Variants in MED13L observed in about 807,000 individuals in gnomAD.
MED13L encodes mediator complex subunit 13L.
A neutral mutation model predicts 220.9 loss-of-function variants in MED13L; 7 were observed. That is an observed-to-expected ratio of 0.03 (90% CI 0.02 to 0.06). MED13L has a LOEUF of 0.06. Ranked by LOEUF, MED13L falls within the 10% of genes least tolerant of loss-of-function variation. The probability of loss-of-function intolerance (pLI) is 1.00; values close to 1 mark genes in which losing one functional copy is unlikely to be tolerated. For missense variants in MED13L, 1,965 were observed against 2,760.5 expected (o/e 0.71, Z 6.46); for synonymous variants, 1,011 against 1,015.2 (o/e 1.00, Z 0.08).
At chr12:116,022,044 A>T (rs1202049905) in intron 5 of MED13L, among the ~76,000 whole-genome samples, 2 of 152,202 alleles carry the variant, frequency 1.3e-5, no homozygotes, top group Non-Finnish European at 2.9e-5. Context: ...GAAATTTCAA[A>T]TACTAAGTAT....
At chr12:116,209,422 A>G (rs964253161) in intron 2 of MED13L, among the ~76,000 whole-genome samples, 2 of 152,156 alleles carry the variant, frequency 1.3e-5, no homozygotes, top group Non-Finnish European at 2.9e-5. Flanking sequence ...CATGTGCTAG[A>G]ACATATATCC....
chr12:116,264,341 A>G (rs560513398), intron 1 of MED13L, among the ~76,000 whole-genome samples: 1 of 152,204 alleles, frequency 6.6e-6, no homozygotes, highest in Non-Finnish European at 1.5e-5. Context: ...CTCAGTTCTG[A>G]TATGTCTAGT....
chr12:116,113,835 A>G (rs1196498885), intron 2 of MED13L, among the ~76,000 whole-genome samples: 9 of 33,966 alleles, frequency 2.6e-4, no homozygotes, highest in African/African-American at 5.6e-4. Flanking sequence ...GAGGGGAGGG[A>G]GGGGGGAAGA....
In MED13L at chr12:116,203,641, G is replaced by A. The variant is rs569260684; in HGVS notation, c.310+33827C>T. Among the ~76,000 whole-genome samples the A allele has an allele frequency of 4.6e-5, 7 of 152,080 alleles. No individual in the cohort carries two copies. In the East Asian group the frequency reaches 7.8e-4, roughly 17 times the overall value. On this transcript the variant is annotated intron_variant, in intron 2 of 30. Coordinates refer to ENST00000281928, the MANE Select transcript of MED13L (RefSeq NM_015335.5). ...TCGAGACCAGCCTGGCCAACATGGC[G>A]AAACCCCATCTCTACTAAATATACA...
At chr12:116,052,364 A>C (rs1868584039) in intron 4 of MED13L, among the ~76,000 whole-genome samples, 1 of 152,180 alleles carries the variant, frequency 6.6e-6, no homozygotes, top group African/African-American at 2.4e-5. Flanking sequence ...TATTACAAGA[A>C]GTGGGTCTCT....
intron 4 of MED13L, among the ~76,000 whole-genome samples, chr12:116,030,828 T>C (rs768451837): frequency 6.6e-5 from 10 of 152,022 alleles, no homozygotes; most frequent in African/African-American, 1.7e-4. Context: ...TCTATAAAAA[T>C]AAAAGAATTT....
intron 2 of MED13L, among the ~76,000 whole-genome samples, chr12:116,135,826 G>A (rs1469540159): frequency 3.3e-5 from 5 of 151,972 alleles, no homozygotes; most frequent in African/African-American, 1.2e-4. Flanking sequence ...GATCCTTGAT[G>A]AGTTATCCAG....
chr12:116,262,917 T>C (rs1231873801), intron 1 of MED13L, among the ~76,000 whole-genome samples: 1 of 152,188 alleles, frequency 6.6e-6, no homozygotes, highest in East Asian at 1.9e-4. Context: ...CTAAAGAATG[T>C]AGTCTATTTG....
At chr12:116,012,378 G>T (rs1001030723) in intron 9 of MED13L, among the ~76,000 whole-genome samples, 3 of 152,114 alleles carry the variant, frequency 2.0e-5, no homozygotes. Context: ...TACCTGTCTC[G>T]ATCAAAAAAC....
chr12:116,153,320 T>C (rs1878196202), intron 2 of MED13L, among the ~76,000 whole-genome samples: 1 of 152,016 alleles, frequency 6.6e-6, no homozygotes, highest in African/African-American at 2.4e-5. Context: ...GAGCTTATGG[T>C]GGCAGCTAAA....
At chr12:116,072,538 G>A (rs895632526) in intron 4 of MED13L, among the ~76,000 whole-genome samples, 8 of 152,206 alleles carry the variant, frequency 5.3e-5, no homozygotes, top group Middle Eastern at 3.4e-3. Flanking sequence ...TGCAAGCTCC[G>A]CCTCCCGGGT....
At chr12:115,962,181 T>A (rs1875809740) in intron 30 of MED13L, among the ~76,000 whole-genome samples, 1 of 152,204 alleles carries the variant, frequency 6.6e-6, no homozygotes. Context: ...TTGGACAGTG[T>A]TCCTCTAGGG....
At chr12:115,996,346 C>A in intron 16 of MED13L, 130 bp downstream of exon 16, 1 of 1,028,712 alleles carries the variant, frequency 9.7e-7, no homozygotes, top group East Asian at 2.5e-5. Flanking sequence ...CCCGCCTCCA[C>A]CTCCCAAAGT....
In MED13L at chr12:116,238,170, T is replaced by C. The variant is rs753817399; in HGVS notation, c.73-465A>G. 5.3e-5 allele frequency among the ~76,000 whole-genome samples: 8 copies of C among 152,320 alleles called. No individual in the cohort carries two copies. The South Asian group carries it at 1.0e-3, about 20-fold the overall frequency. On this transcript the variant is annotated intron_variant, in intron 1 of 30. Transcript: ENST00000281928. ...AGTCCTTTTTTAATTAGGGAAGCAG[T>C]TAGCATGAAGTACGAGAGTGTTTCA...
At chr12:116,050,762 C>A (rs1868426171) in intron 4 of MED13L, among the ~76,000 whole-genome samples, 1 of 152,112 alleles carries the variant, frequency 6.6e-6, no homozygotes. Flanking sequence ...CATGGTGAAA[C>A]CCCGTCTCTA....
intron 2 of MED13L, among the ~76,000 whole-genome samples, chr12:116,130,595 C>T (rs751528885): frequency 1.3e-5 from 2 of 152,206 alleles, no homozygotes; most frequent in Non-Finnish European, 2.9e-5. Context: ...ACACACTGAG[C>T]TCCAATCTGC....
At chr12:115,986,595 A>C (rs1877706440) in intron 18 of MED13L, 106 bp from the exon 19 acceptor site, 1 of 1,031,906 alleles carries the variant, frequency 9.7e-7, no homozygotes, top group Non-Finnish European at 1.5e-6. Context: ...CTGAAATGTC[A>C]CTCCATGTTC....
chr12:116,181,532 C>T (rs187029476), intron 2 of MED13L, among the ~76,000 whole-genome samples: 7 of 152,182 alleles, frequency 4.6e-5, no homozygotes, highest in African/African-American at 1.7e-4. Flanking sequence ...TTTGAGACGG[C>T]ATTTCACTCT....
intron 2 of MED13L, among the ~76,000 whole-genome samples, chr12:116,138,998 T>C (rs986810847): frequency 2.6e-5 from 4 of 152,202 alleles, no homozygotes; most frequent in African/African-American, 9.6e-5. Context: ...AAACCTAACA[T>C]AGTTGAGACA....
Sources: allele counts gnomAD v4.1 joint callset (sites outside exome capture counted in the v4.1 genomes callset), GRCh38; gene constraint gnomAD v4.1.1; transcripts MANE v1.5; gene names NCBI Gene and HGNC (gene_info 2026-07-23, HGNC 2026-07-21).